Variants in PARP4 observed in about 807,000 individuals in gnomAD.
PARP4 encodes the protein protein mono-ADP-ribosyltransferase PARP4.
Under a neutral mutation model 187.7 loss-of-function variants are expected in PARP4, and 120 were observed. The observed-to-expected ratio is 0.64, with a 90% CI of 0.55 to 0.74. The LOEUF is 0.74. Ranked by LOEUF, PARP4 falls within the 30% of genes least tolerant of loss-of-function variation. PARP4 has a pLI of 0.00. For missense variants in PARP4, 1,836 were observed against 2,070.5 expected (o/e 0.89, Z 2.20); for synonymous variants, 654 against 740.9 (o/e 0.88, Z 1.90).
At chr13:24,485,508 T>C (rs1873504705) in intron 11 of PARP4, among the ~76,000 whole-genome samples, 1 of 152,194 alleles carries the variant, frequency 6.6e-6, no homozygotes, top group Non-Finnish European at 1.5e-5. Flanking sequence ...GGTTTTTTCT[T>C]TCTTTTCCCC....
At chr13:24,442,545 A>C in intron 29 of PARP4, 45 bp downstream of exon 29, 2 of 1,155,790 alleles carry the variant, frequency 1.7e-6, no homozygotes, top group Non-Finnish European at 1.3e-6. Context: ...TTAATGTGGA[A>C]ATACAAATAA....
rs1375148145 is a variant in PARP4 at position 24,471,036 on chromosome 13, G to A, written c.1915-1011C>T. ...CAAACGTGCGTCCTGGAGTTTCTCA[G>A]CGATCTGGGCTATGCTGCCTGCAAT... On this transcript the variant is annotated intron_variant, in intron 15 of 33. Coordinates refer to ENST00000381989, the MANE Select transcript of PARP4 (RefSeq NM_006437.4). Among the ~76,000 whole-genome samples the A allele has an allele frequency of 2.6e-5, 4 of 152,192 alleles. No homozygotes were observed. The East Asian group carries it at 7.7e-4, about 29-fold the overall frequency.
intron 14 of PARP4, among the ~76,000 whole-genome samples, chr13:24,476,983 C>T (rs563517675): frequency 1.1e-3 from 161 of 152,306 alleles, no homozygotes; most frequent in Middle Eastern, 6.8e-3. Context: ...CAGGGCGACA[C>T]TCAAACCCTG....
chr13:24,481,270 C>T (rs377049742), intron 12 of PARP4, among the ~76,000 whole-genome samples: 27 of 152,376 alleles, frequency 1.8e-4, no homozygotes, highest in East Asian at 1.3e-3. Context: ...ACTGGCAAAG[C>T]GCCTAGCCAT....
chr13:24,503,265 T>TCA (rs1869409251), intron 2 of PARP4, among the ~76,000 whole-genome samples: 5 of 152,246 alleles, frequency 3.3e-5, no homozygotes, highest in Admixed American at 6.5e-5. Context: ...TACCAGTATA[T>TCA]CACCCCAGCG....
intron 12 of PARP4, among the ~76,000 whole-genome samples, chr13:24,484,072 C>T (rs1289573817): frequency 6.6e-6 from 1 of 152,178 alleles, no homozygotes; most frequent in East Asian, 1.9e-4. Flanking sequence ...AACTCAGTCT[C>T]CATCCTTTAA....
rs1218913654 is a variant in PARP4, at chr13:24,492,462, C to G, written c.1012G>C (p.Val338Leu). The change falls in exon 9 of 34, where the codon GTG becomes CTG. Residue 338 changes from valine (V) to leucine (L), a missense_variant. Transcript: ENST00000381989. ...TTCTTAGCCAATAGTCCCAGGTTCA[C>G]TTCTTTGGGCATTGTGCCTTTGTGA... is the stretch of plus-strand genomic sequence containing the variant. The part of the protein sequence containing the change: ...IPHKGTMPKE[V>L]NLGLLAKKAD... 6.2e-7 allele frequency: 1 copy of G among 1,613,966 alleles called. No individual in the cohort carries two copies. The highest frequency in any genetic ancestry group is 2.2e-5 in the East Asian group (1 of 44,880).
chr13:24,485,168 T>C (rs1417614653), intron 11 of PARP4, among the ~76,000 whole-genome samples: 1 of 152,216 alleles, frequency 6.6e-6, no homozygotes, highest in Non-Finnish European at 1.5e-5. Context: ...GTTACCCATT[T>C]ATCTCTATAG....
intron 9 of PARP4, among the ~76,000 whole-genome samples, chr13:24,491,893 T>C (rs1209627284): frequency 1.3e-5 from 2 of 152,186 alleles, no homozygotes; most frequent in African/African-American, 4.8e-5. Flanking sequence ...AAAAGAACTA[T>C]TACAGATGGG....
chr13:24,443,546 T>C, intron 28 of PARP4, 104 bp downstream of exon 28: 1 of 701,808 alleles, frequency 1.4e-6, no homozygotes, highest in Admixed American at 2.1e-5. Flanking sequence ...GACACCAGTC[T>C]CCTTCTCCAC....
intron 15 of PARP4, among the ~76,000 whole-genome samples, chr13:24,474,102 C>G (rs1872858606): frequency 6.6e-6 from 1 of 152,192 alleles, no homozygotes; most frequent in Admixed American, 6.5e-5. Context: ...CCTCCTGTGA[C>G]TTTGACCATT....
At position 24,434,390 on chromosome 13, in the gene PARP4, C is replaced by A; in HGVS notation, c.4746+5G>T. On this transcript the variant is annotated splice_donor_5th_base_variant and intron_variant, in intron 31 of 33. Transcript: ENST00000381989. ...CACAGATTTAAGGAGAAATAAGACA[C>A]ATACCTCTGTCTGTAGACTGAGGAG... 1 of 1,531,480 alleles carries A rather than the reference C, an allele frequency of 6.5e-7. No individual in the cohort carries two copies. The highest frequency in any genetic ancestry group is 1.3e-5 in the South Asian group (1 of 76,992). 94.9% of individuals were successfully genotyped at this position (1,531,480 alleles called of 1,614,324 possible). A position where few individuals can be genotyped will look rare whatever the true frequency, so the allele number is the denominator to read the frequency against.
At chr13:24,478,005 G>T in intron 13 of PARP4, 88 bp downstream of exon 13, 2 of 1,099,938 alleles carry the variant, frequency 1.8e-6, no homozygotes, top group Non-Finnish European at 2.6e-6. Flanking sequence ...TTAAACTTAA[G>T]CATATTTAAT....
Position 24,456,242 on chromosome 13 carries a change from C to T in PARP4, c.2562+99G>A. On this transcript the variant is annotated intron_variant, in intron 21 of 33. Coordinates refer to ENST00000381989, the MANE Select transcript of PARP4 (RefSeq NM_006437.4). ...AGATGTGAGAGTTCATTTTGTAATG[C>T]TAGTTTTTCAGGACAATCAATAATT... is the stretch of plus-strand genomic sequence containing the variant. The T allele has an allele frequency of 5.5e-6, 5 of 906,128 alleles. No homozygotes were observed. In the South Asian group the frequency reaches 1.1e-4, roughly 20 times the overall value. 56.1% of individuals were successfully genotyped at this position (906,128 alleles called of 1,614,324 possible).
intron 32 of PARP4, among the ~76,000 whole-genome samples, 163 bp from the exon 33 acceptor site, chr13:24,426,761 A>G (rs1870072486): frequency 1.3e-5 from 2 of 151,722 alleles, no homozygotes; most frequent in Admixed American, 6.6e-5. Flanking sequence ...CGGGGGTGGC[A>G]GGCACCTGTA....
At chr13:24,490,862 C>A in intron 9 of PARP4, 34 bp from the exon 10 acceptor site, 2 of 1,544,316 alleles carry the variant, frequency 1.3e-6, no homozygotes, top group East Asian at 2.3e-5. Flanking sequence ...ATGTCAGAAT[C>A]ACCACATATC....
chr13:24,444,752 G>C (rs1044629347), intron 27 of PARP4, among the ~76,000 whole-genome samples: 1 of 152,186 alleles, frequency 6.6e-6, no homozygotes. Context: ...GCAGACATAG[G>C]AGTAGCTCTG....
chr13:24,449,063 T>A (rs1045518317), intron 25 of PARP4, among the ~76,000 whole-genome samples: 1 of 152,240 alleles, frequency 6.6e-6, no homozygotes, highest in Non-Finnish European at 1.5e-5. Flanking sequence ...GCATTGTGAA[T>A]GTAGCTAATA....
intron 25 of PARP4, among the ~76,000 whole-genome samples, chr13:24,448,733 A>T (rs945930771): frequency 1.2e-4 from 19 of 152,376 alleles, no homozygotes; most frequent in African/African-American, 4.6e-4. Context: ...CCACCGATAG[A>T]TGAATGGATA....
Sources: allele counts gnomAD v4.1 joint callset (sites outside exome capture counted in the v4.1 genomes callset), GRCh38; gene constraint gnomAD v4.1.1; transcripts MANE v1.5; gene names NCBI Gene and HGNC (gene_info 2026-07-23, HGNC 2026-07-21).